The following NHEJ1 variants were observed in gnomAD, a reference collection of about 807,000 sequenced individuals.
NHEJ1 encodes non-homologous end-joining factor 1.
In NHEJ1, 22 loss-of-function variants were observed where a neutral mutation model predicts 39.4. That is an observed-to-expected ratio of 0.56 (90% CI 0.40 to 0.80). NHEJ1 has a LOEUF of 0.80. Among genes scored for constraint, NHEJ1 ranks in the 30% least tolerant of loss-of-function variants. NHEJ1 has a pLI of 0.00. For missense variants in NHEJ1, 329 were observed against 357.1 expected, an observed-to-expected ratio of 0.92 and a Z score of 0.63; for synonymous variants, 154 against 135.6, an observed-to-expected ratio of 1.14 and a Z score of -0.94.
chr2:219,140,482 T>A (rs1302540133), intron 5 of NHEJ1, among the ~76,000 whole-genome samples: 1 of 152,108 alleles, frequency 6.6e-6, no homozygotes, highest in South Asian at 2.1e-4. Flanking sequence ...GTGGCTCCAG[T>A]ATGGTAGCAG....
chr2:219,135,866 T>A (rs1007476572), intron 5 of NHEJ1, among the ~76,000 whole-genome samples: 5 of 152,154 alleles, frequency 3.3e-5, no homozygotes, highest in Non-Finnish European at 7.4e-5. Flanking sequence ...AATGGTGGAT[T>A]TGATGGAGCA....
intron 5 of NHEJ1, among the ~76,000 whole-genome samples, chr2:219,114,721 C>G (rs1949395051): frequency 6.6e-6 from 1 of 152,192 alleles, no homozygotes; most frequent in Non-Finnish European, 1.5e-5. Flanking sequence ...AATTCTGTAT[C>G]TGGGGCCCAG....
At chr2:219,087,643 A>G (rs1432062362) in intron 5 of NHEJ1, among the ~76,000 whole-genome samples, 1 of 152,080 alleles carries the variant, frequency 6.6e-6, no homozygotes, top group African/African-American at 2.4e-5. Context: ...ATCGTACTCT[A>G]TAGGGTGACG....
At chr2:219,125,867 C>T (rs1041304166) in intron 5 of NHEJ1, among the ~76,000 whole-genome samples, 2 of 152,208 alleles carry the variant, frequency 1.3e-5, no homozygotes, top group African/African-American at 4.8e-5. Context: ...TTACTTGTTC[C>T]GTGGCTGAGG....
chr2:219,158,104 CA>C (rs1417612236), intron 2 of NHEJ1, 81 bp downstream of exon 2: 3 of 1,459,424 alleles, frequency 2.1e-6, no homozygotes, highest in Non-Finnish European at 2.9e-6. Context: ...CAACCCGATT[CA>C]ACCTTCCTTG....
intron 5 of NHEJ1, 102 bp downstream of exon 5, chr2:219,146,578 C>T (rs950400954): frequency 2.2e-6 from 2 of 913,022 alleles, no homozygotes; most frequent in Admixed American, 1.7e-5. Flanking sequence ...AAGGGCATTC[C>T]AACCACACAA....
rs141669529 is a variant in NHEJ1, at chr2:219,073,436, G to GC, written c.*2944dup. Among the ~76,000 whole-genome samples the GC allele has an allele frequency of 1.3e-4, 20 of 152,308 alleles. No individual in the cohort carries two copies. Among genetic ancestry groups the GC allele is most frequent in the African/African-American group, 4.3e-4 (18 of 41,570 alleles). Reference sequence around the variant, plus strand: ...TCTGCTTTTAAGGGTTGCTGGGGAAGCCCCCACTGAGGCATGAGAAAAGGA... The same window carrying GC: ...TCTGCTTTTAAGGGTTGCTGGGGAAGCCCCCCACTGAGGCATGAGAAAAGGA... On this transcript the variant is annotated 3_prime_UTR_variant, in exon 8 of 8. Transcript: ENST00000356853.
Position 219,148,390 on chromosome 2 carries a change from CA to C in NHEJ1, c.391-596del, listed in dbSNP as rs893055153. On this transcript the variant is annotated intron_variant, in intron 3 of 7. Transcript: ENST00000356853. ...AAACATAGTGAGACCCCATCTCTAC[CA>C]AAAAAAAATTTTTTAACATTAGCCA... 1.9e-4 allele frequency among the ~76,000 whole-genome samples: 29 copies of C among 151,464 alleles called. 1 individual carries two copies. The highest frequency in any genetic ancestry group is 1.4e-3 in the Admixed American group (22 of 15,190).
At position 219,076,412 on chromosome 2, in the gene NHEJ1, T is replaced by C; in HGVS notation, c.869A>G (p.Lys290Arg). The change falls in exon 8 of 8, where the codon AAG becomes AGG. Residue 290 changes from lysine (K) to arginine (R), a missense_variant. Transcript: ENST00000356853. The stretch of plus-strand genomic sequence containing the variant: ...GAAGAGACCCCTTGGCTTCTTCCTC[T>C]TGACCTTTGACAGCTGAGGTCTCTG... ...PLQRPQLSKV[K>R]RKKPRGLFS The C allele has an allele frequency of 1.2e-6, 2 of 1,614,168 alleles. No homozygotes were observed. Among genetic ancestry groups the C allele is most frequent in the Non-Finnish European group, 1.7e-6 (2 of 1,180,030 alleles).
chr2:219,095,839 C>A (rs1361574388), intron 5 of NHEJ1, among the ~76,000 whole-genome samples: 1 of 151,788 alleles, frequency 6.6e-6, no homozygotes. Context: ...TAAATGTATC[C>A]ATTTGACAAC....
At position 219,070,152 on chromosome 2, in the gene NHEJ1, C is replaced by G. The variant is rs946278762; in HGVS notation, c.*6229G>C. 4.6e-5 allele frequency among the ~76,000 whole-genome samples: 7 copies of G among 152,184 alleles called. No individual in the cohort carries two copies. Among genetic ancestry groups the G allele is most frequent in the African/African-American group, 1.4e-4 (6 of 41,448 alleles). On this transcript the variant is annotated 3_prime_UTR_variant, in exon 8 of 8. Coordinates refer to ENST00000356853, the MANE Select transcript of NHEJ1 (RefSeq NM_024782.3). Reference sequence around the variant, plus strand: ...CAATCTGCCACAGCCTCCGGAGTACCTGGGACTACAGGCGCACATCACCAC... The same window carrying G: ...CAATCTGCCACAGCCTCCGGAGTACGTGGGACTACAGGCGCACATCACCAC...
chr2:219,092,871 C>A (rs1379230307), intron 5 of NHEJ1, among the ~76,000 whole-genome samples: 2 of 152,196 alleles, frequency 1.3e-5, no homozygotes, highest in African/African-American at 4.8e-5. Flanking sequence ...GAGAAAGAAG[C>A]TGCCTGTCCA....
At chr2:219,142,450 C>CCATGCA (rs1348528692) in intron 5 of NHEJ1, among the ~76,000 whole-genome samples, 2 of 152,196 alleles carry the variant, frequency 1.3e-5, no homozygotes, top group Non-Finnish European at 2.9e-5. Flanking sequence ...ACTCACACAC[C>CCATGCA]CATGCAAACT....
intron 5 of NHEJ1, among the ~76,000 whole-genome samples, chr2:219,121,844 G>T (rs943057967): frequency 6.6e-6 from 1 of 151,816 alleles, no homozygotes; most frequent in African/African-American, 2.4e-5. Flanking sequence ...TTAAATTAAT[G>T]AAAATTGTTT....
chr2:219,155,900 G>A (rs1404601515), intron 3 of NHEJ1, among the ~76,000 whole-genome samples: 1 of 151,242 alleles, frequency 6.6e-6, no homozygotes, highest in African/African-American at 2.4e-5. Context: ...ACTCCAGCCT[G>A]GGCGAGAGCG....
At chr2:219,084,007 CTTTT>C (rs558515060) in intron 5 of NHEJ1, among the ~76,000 whole-genome samples, 2 of 133,302 alleles carry the variant, frequency 1.5e-5, no homozygotes, top group African/African-American at 2.8e-5. Context: ...TCTTTCTTTG[CTTTT>C]TTTTTTTTTT....
chr2:219,082,273 C>A (rs1324430483), intron 5 of NHEJ1, among the ~76,000 whole-genome samples: 1 of 152,200 alleles, frequency 6.6e-6, no homozygotes, highest in Non-Finnish European at 1.5e-5. Context: ...TTTAGGCAAA[C>A]CAAAGTGACA....
chr2:219,118,661 G>A (rs897407959), intron 5 of NHEJ1, among the ~76,000 whole-genome samples: 5 of 152,208 alleles, frequency 3.3e-5, no homozygotes, highest in African/African-American at 9.6e-5. Flanking sequence ...GAGAAGGACA[G>A]GGATATATAT....
chr2:219,070,914 C>A lies in NHEJ1; in HGVS notation c.*5467G>T, dbSNP rs767924193. ...ATTAGTATTGCTGTTATCTATGAAA[C>A]AAAATCTAAATTATTACCAGCTCTG... is the stretch of plus-strand genomic sequence containing the variant. On this transcript the variant is annotated 3_prime_UTR_variant, in exon 8 of 8. Transcript: ENST00000356853. 1.3e-5 allele frequency among the ~76,000 whole-genome samples: 2 copies of A among 152,212 alleles called. No homozygotes were observed. Among genetic ancestry groups the A allele is most frequent in the African/African-American group, 2.4e-5 (1 of 41,454 alleles).
Sources: allele counts gnomAD v4.1 joint callset (sites outside exome capture counted in the v4.1 genomes callset), GRCh38; gene constraint gnomAD v4.1.1; transcripts MANE v1.5; gene names NCBI Gene and HGNC (gene_info 2026-07-23, HGNC 2026-07-21).